PTPRG: variants seen among roughly 807,000 people sequenced by gnomAD.
PTPRG encodes the protein receptor-type tyrosine-protein phosphatase gamma.
A neutral mutation model predicts 165.3 loss-of-function variants in PTPRG; 102 were observed. That is an observed-to-expected ratio of 0.62 (90% CI 0.53 to 0.73). The LOEUF (loss-of-function observed/expected upper bound fraction) is 0.73. PTPRG is among the 30% of genes least tolerant of loss of function. The probability of loss-of-function intolerance (pLI) is 0.00; values close to 1 mark genes in which losing one functional copy is unlikely to be tolerated. For missense variants in PTPRG, 1,866 were observed against 1,861.4 expected (o/e 1.00, Z -0.05); for synonymous variants, 675 against 669.5 (o/e 1.01, Z -0.13).
chr3:61,635,346 TTA>T (rs1701879909), intron 1 of PTPRG, among the ~76,000 whole-genome samples: 1 of 147,918 alleles, frequency 6.8e-6, no homozygotes, highest in East Asian at 2.0e-4. Flanking sequence ...TATATATATA[TTA>T]TATATATAAA....
chr3:62,112,754 G>C (rs1182848624), intron 5 of PTPRG, among the ~76,000 whole-genome samples: 1 of 152,156 alleles, frequency 6.6e-6, no homozygotes, highest in Non-Finnish European at 1.5e-5. Context: ...GGTAACACCT[G>C]GAAACATTAC....
intron 14 of PTPRG, among the ~76,000 whole-genome samples, chr3:62,243,225 C>T (rs149032971): frequency 6.6e-6 from 1 of 152,030 alleles, no homozygotes; most frequent in East Asian, 2.0e-4. Context: ...GCAGATGACA[C>T]GTAAGGGCTT....
At chr3:62,099,793 CTTTTTTT>C (rs759385441) in intron 5 of PTPRG, among the ~76,000 whole-genome samples, 5 of 90,728 alleles carry the variant, frequency 5.5e-5, no homozygotes, top group Non-Finnish European at 8.1e-5. Flanking sequence ...AGTGTTAAAT[CTTTTTTT>C]TTTTTTTTTT....
rs760912149 is a variant in PTPRG, at chr3:62,203,810, C to T, written c.2015C>T (p.Thr672Ile). ...CCAGGCCTGGACCCCGACATGGTCA[C>T]CTCCACCCAAGTGCCCCCCACCGCC... is the stretch of plus-strand genomic sequence containing the variant. ...AGPGLDPDMVTSTQVPPTATE... is the reference protein window; with the variant it reads ...AGPGLDPDMVISTQVPPTATE... Residue 672 changes from threonine (T) to isoleucine (I), a missense_variant, in exon 12 of 30, where the codon ACC (threonine) becomes ATC (isoleucine). Physicochemically the swap from Thr to Ile is moderately conservative, Grantham distance 89. This residue lies in a region of PTPRG where 1,452 missense variants were observed against 1,463.0 expected (regional missense o/e 0.99). Coordinates refer to ENST00000474889, the MANE Select transcript of PTPRG (RefSeq NM_002841.4). The surrounding 1 kb of genome is among the most constrained non-coding windows in gnomAD (Gnocchi z 6.4). The T allele has an allele frequency of 3.7e-6, 6 of 1,613,844 alleles. No homozygotes were observed. The highest frequency in any genetic ancestry group is 1.1e-5 in the South Asian group (1 of 91,036).
At chr3:62,071,341 G>A (rs9841972) in intron 4 of PTPRG, among the ~76,000 whole-genome samples, 4,520 of 152,194 alleles carry the variant, frequency 0.03, 222 homozygotes, top group African/African-American at 0.1. Flanking sequence ...CTACTCTCAT[G>A]TTGGGATCAT....
chr3:61,629,721 G>C (rs1701715003), intron 1 of PTPRG, among the ~76,000 whole-genome samples: 1 of 152,170 alleles, frequency 6.6e-6, no homozygotes, highest in African/African-American at 2.4e-5. Context: ...TCTCAGGTAA[G>C]AAGGAGAAAA....
intron 1 of PTPRG, among the ~76,000 whole-genome samples, chr3:61,733,518 C>G (rs1024963093): frequency 6.6e-6 from 1 of 152,152 alleles, no homozygotes; most frequent in Admixed American, 6.5e-5. Flanking sequence ...TTGAATAGAT[C>G]AGCACAGTGC....
intron 10 of PTPRG, among the ~76,000 whole-genome samples, chr3:62,199,590 G>C (rs980829003): frequency 6.6e-6 from 1 of 151,532 alleles, no homozygotes; most frequent in African/African-American, 2.4e-5. Flanking sequence ...GTTTTGTTTT[G>C]TTTTGTTTTT....
At chr3:62,116,595 A>C (rs915708417) in intron 5 of PTPRG, among the ~76,000 whole-genome samples, 1 of 152,292 alleles carries the variant, frequency 6.6e-6, no homozygotes, top group South Asian at 2.1e-4. Flanking sequence ...ATTAATGCCT[A>C]TGGAATATGG....
At chr3:62,124,387 G>A (rs554489352) in intron 5 of PTPRG, 56 of 1,613,354 alleles carry the variant, frequency 3.5e-5, no homozygotes, top group South Asian at 2.6e-4. Flanking sequence ...TGATCTGCAG[G>A]TCCAAGATGT....
intron 4 of PTPRG, among the ~76,000 whole-genome samples, chr3:62,018,641 T>C (rs1447513436): frequency 6.6e-6 from 1 of 152,190 alleles, no homozygotes; most frequent in Non-Finnish European, 1.5e-5. Context: ...TTGAACTACA[T>C]TGAATACATT....
chr3:61,700,217 G>A (rs565044236), intron 1 of PTPRG, among the ~76,000 whole-genome samples: 10 of 152,248 alleles, frequency 6.6e-5, no homozygotes, highest in African/African-American at 2.2e-4. Flanking sequence ...CTCTCACATT[G>A]CTAGAACGAT....
rs116283749 is a variant in PTPRG at position 61,909,593 on chromosome 3, C to G, written c.191-80032C>G. 5.8e-3 allele frequency among the ~76,000 whole-genome samples: 877 copies of G among 152,172 alleles called. 10 individuals carry two copies. Among genetic ancestry groups the G allele is most frequent in the African/African-American group, 0.02 (837 of 41,490 alleles). Reference sequence around the variant, plus strand: ...CTTGAGCTCCTGGGCTCAAGCAGTTCTCTTGCCTCAGCCTCCCAAAATGCT... The same window carrying G: ...CTTGAGCTCCTGGGCTCAAGCAGTTGTCTTGCCTCAGCCTCCCAAAATGCT... On this transcript the variant is annotated intron_variant, in intron 2 of 29. Transcript: ENST00000474889.
In PTPRG at chr3:62,203,667, C is replaced by T; in HGVS notation, c.1872C>T (p.Ser624=). ...AGGAGCGGAATCAGACGGAGCCCAG[C>T]CCCACACCCTCGTCTCCTAACAGGA... ...AAEERNQTEP[S]PTPSSPNRTA... Residue 624 remains serine, a synonymous_variant, in exon 12 of 30, where the codon AGC becomes AGT. Transcript: ENST00000474889. The surrounding 1 kb of genome is among the most constrained non-coding windows in gnomAD (Gnocchi z 6.4). The T allele has an allele frequency of 6.4e-7, 1 of 1,564,612 alleles. No homozygotes were observed. The highest frequency in any genetic ancestry group is 8.7e-7 in the Non-Finnish European group (1 of 1,153,994).
intron 2 of PTPRG, among the ~76,000 whole-genome samples, chr3:61,971,092 A>C (rs2040371182): frequency 6.6e-6 from 1 of 152,130 alleles, no homozygotes; most frequent in Non-Finnish European, 1.5e-5. Flanking sequence ...TGTCGCTGTC[A>C]CCCAGGCTGG....
chr3:61,681,722 A>G (rs1703447002), intron 1 of PTPRG, among the ~76,000 whole-genome samples: 1 of 152,214 alleles, frequency 6.6e-6, no homozygotes, highest in Non-Finnish European at 1.5e-5. Context: ...GAAGCACCAA[A>G]TAAACAGTAG....
chr3:62,077,584 G>A (rs928222701), intron 4 of PTPRG, among the ~76,000 whole-genome samples: 5 of 152,144 alleles, frequency 3.3e-5, no homozygotes, highest in Admixed American at 6.5e-5. Flanking sequence ...GGCTATTAGA[G>A]GACTAGAAGG....
intron 5 of PTPRG, among the ~76,000 whole-genome samples, chr3:62,118,969 A>G (rs1702962234): frequency 6.6e-6 from 1 of 152,172 alleles, no homozygotes; most frequent in African/African-American, 2.4e-5. Context: ...TTTAATAGCT[A>G]TCTGCTTTTC....
At chr3:62,155,685 A>G (rs894214829) in intron 6 of PTPRG, among the ~76,000 whole-genome samples, 1 of 152,218 alleles carries the variant, frequency 6.6e-6, no homozygotes, top group Non-Finnish European at 1.5e-5. Context: ...TGCAATTTTA[A>G]TTATAATATA....
Sources: allele counts gnomAD v4.1 joint callset (sites outside exome capture counted in the v4.1 genomes callset), GRCh38; gene constraint gnomAD v4.1.1; regional missense constraint gnomAD v4.1.1; non-coding constraint Gnocchi (gnomAD v3.1); transcripts MANE v1.5; gene names NCBI Gene and HGNC (gene_info 2026-07-23, HGNC 2026-07-21).